The following C12orf50 variants were observed in gnomAD, a reference collection of about 807,000 sequenced individuals.
C12orf50 encodes zinc finger CCCH-type containing 11D.
In C12orf50, 35 loss-of-function variants were observed where a neutral mutation model predicts 61.6. The observed-to-expected ratio is 0.57, with a 90% CI of 0.43 to 0.75. The LOEUF (loss-of-function observed/expected upper bound fraction) is 0.75, where lower values mean the gene tolerates loss of function less well. Among genes scored for constraint, C12orf50 ranks in the 30% least tolerant of loss-of-function variants. C12orf50 has a pLI of 0.00. For synonymous variants in C12orf50, 178 were observed against 161.5 expected (o/e 1.10, Z -0.77); for missense variants, 475 against 488.5 (o/e 0.97, Z 0.26).
At chr12:88,005,904 T>G (rs1421867852) in intron 3 of C12orf50, among the ~76,000 whole-genome samples, 3 of 147,370 alleles carry the variant, frequency 2.0e-5, no homozygotes, top group South Asian at 2.1e-4. Context: ...TGTTTTTTTG[T>G]TTTTTTGGTT....
At chr12:88,009,302 C>T (rs2032009573) in intron 3 of C12orf50, among the ~76,000 whole-genome samples, 2 of 152,048 alleles carry the variant, frequency 1.3e-5, no homozygotes, top group Non-Finnish European at 2.9e-5. Flanking sequence ...TCTTTGTCTT[C>T]ACCAAGAATT....
intron 3 of C12orf50, among the ~76,000 whole-genome samples, chr12:88,014,805 A>C (rs73422135): frequency 6.6e-6 from 1 of 152,300 alleles, no homozygotes; most frequent in African/African-American, 2.4e-5. Flanking sequence ...GCGCTGCCAC[A>C]CGTAATACAC....
At chr12:87,991,668 A>G (rs1201072857) in intron 7 of C12orf50, among the ~76,000 whole-genome samples, 1 of 152,184 alleles carries the variant, frequency 6.6e-6, no homozygotes, top group African/African-American at 2.4e-5. Flanking sequence ...TCATCAAGGA[A>G]ATACAAATTA....
At chr12:88,015,836 A>T (rs567122028) in intron 3 of C12orf50, among the ~76,000 whole-genome samples, 1 of 152,320 alleles carries the variant, frequency 6.6e-6, no homozygotes, top group South Asian at 2.1e-4. Context: ...ACATGTAAAT[A>T]AAATATATTT....
intron 3 of C12orf50, among the ~76,000 whole-genome samples, chr12:88,022,695 T>G (rs1365924088): frequency 6.6e-6 from 1 of 152,190 alleles, no homozygotes; most frequent in African/African-American, 2.4e-5. Context: ...ATCAGTAGCA[T>G]TCCTATACAA....
chr12:88,002,651 C>T (rs1306235003), intron 3 of C12orf50, among the ~76,000 whole-genome samples: 1 of 151,618 alleles, frequency 6.6e-6, no homozygotes, highest in Non-Finnish European at 1.5e-5. Flanking sequence ...ATTTTATTTT[C>T]ACAATCTCTG....
intron 9 of C12orf50, 72 bp from the exon 10 acceptor site, chr12:87,986,488 T>G (rs1198047221): frequency 5.7e-6 from 6 of 1,058,890 alleles, no homozygotes; most frequent in Non-Finnish European, 8.3e-6. Flanking sequence ...AGGTGATAAT[T>G]ACATATCTGT....
intron 3 of C12orf50, among the ~76,000 whole-genome samples, chr12:88,020,337 G>T (rs533877295): frequency 3.3e-5 from 5 of 152,082 alleles, no homozygotes; most frequent in Non-Finnish European, 7.4e-5. Flanking sequence ...TCAAAATAAA[G>T]AAATTGTGAA....
chr12:88,021,853 G>A (rs567597364), intron 3 of C12orf50, among the ~76,000 whole-genome samples: 2 of 151,948 alleles, frequency 1.3e-5, no homozygotes, highest in African/African-American at 4.8e-5. Context: ...GTAAGAAAAA[G>A]CCTACCAACC....
chr12:88,026,377 T>A, intron 3 of C12orf50, 111 bp downstream of exon 3: 1 of 1,246,064 alleles, frequency 8.0e-7, no homozygotes, highest in African/African-American at 1.5e-5. Context: ...CCATTGGCTA[T>A]TAAATTGCAT....
At chr12:87,985,714 A>T in intron 11 of C12orf50, 136 bp downstream of exon 11, 3 of 796,306 alleles carry the variant, frequency 3.8e-6, no homozygotes, top group Non-Finnish European at 6.3e-6. Flanking sequence ...AAATCCTCTC[A>T]CTAGTTTCTA....
intron 12 of C12orf50, among the ~76,000 whole-genome samples, chr12:87,980,670 A>T (rs1426476595): frequency 2.0e-5 from 3 of 152,170 alleles, no homozygotes; most frequent in Non-Finnish European, 4.4e-5. Flanking sequence ...CGCACCAGCA[A>T]TATCCCTATT....
At chr12:87,989,606 CAG>C (rs1336156745) in intron 7 of C12orf50, among the ~76,000 whole-genome samples, 3 of 151,950 alleles carry the variant, frequency 2.0e-5, no homozygotes, top group African/African-American at 4.8e-5. Context: ...CAAGAAAATT[CAG>C]AGTCAACAAA....
At chr12:88,029,776 A>G (rs1449748343), upstream of C12orf50, among the ~76,000 whole-genome samples, 1 of 152,178 alleles carries the variant, frequency 6.6e-6, no homozygotes, top group Non-Finnish European at 1.5e-5. Context: ...TTATTTAAAT[A>G]TGTACTCTCT....
chr12:88,024,995 G>A (rs897389830), intron 3 of C12orf50, among the ~76,000 whole-genome samples: 55 of 152,100 alleles, frequency 3.6e-4, no homozygotes, highest in African/African-American at 1.1e-3. Context: ...AATGGGGGAA[G>A]GATTTGGTGA....
At chr12:88,028,179 C>G (rs7968430) in intron 1 of C12orf50, among the ~76,000 whole-genome samples, 133,558 of 152,214 alleles carry the variant, frequency 0.88, 59,457 homozygotes, top group East Asian at 0.98. Context: ...ATTAGCCACT[C>G]TGCTAAGTAC....
At chr12:87,984,578 G>A (rs1412508780) in intron 11 of C12orf50, 2 of 152,104 alleles carry the variant, frequency 1.3e-5, no homozygotes, top group Non-Finnish European at 2.9e-5. Flanking sequence ...CCAGATAGCC[G>A]AAGCATTTAT....
chr12:88,027,084 T>A lies in C12orf50; in HGVS notation c.-108-14A>T. On this transcript the variant is annotated splice_polypyrimidine_tract_variant and intron_variant, in intron 1 of 12. Coordinates refer to ENST00000298699, the MANE Select transcript of C12orf50 (RefSeq NM_152589.3). ...GCACTGGGAACCCTAAAAGAAAAAG[T>A]AAACAGTGTAGAAAGCTCAATATGT... 6.3e-7 allele frequency: 1 copy of A among 1,594,504 alleles called. No homozygotes were observed. Among genetic ancestry groups the A allele is most frequent in the Non-Finnish European group, 8.5e-7 (1 of 1,173,494 alleles).
chr12:88,001,695 C>CT (rs1301675496), intron 3 of C12orf50, among the ~76,000 whole-genome samples: 1 of 151,218 alleles, frequency 6.6e-6, no homozygotes, highest in African/African-American at 2.4e-5. Context: ...CAATTTTTTT[C>CT]TTTTTTTCTA....
Sources: allele counts gnomAD v4.1 joint callset (sites outside exome capture counted in the v4.1 genomes callset), GRCh38; gene constraint gnomAD v4.1.1; transcripts MANE v1.5; gene names NCBI Gene and HGNC (gene_info 2026-07-23, HGNC 2026-07-21).